The following BCAS3 variants were observed in gnomAD, a reference collection of about 807,000 sequenced individuals.
BCAS3 encodes the protein BCAS3 microtubule associated cell migration factor, also known as BCAS4/BCAS3 fusion.
Under a neutral mutation model 116.1 loss-of-function variants are expected in BCAS3, and 53 were observed. That is an observed-to-expected ratio of 0.46 (90% confidence interval 0.37 to 0.57). The LOEUF (loss-of-function observed/expected upper bound fraction) is 0.57. Among genes scored for constraint, BCAS3 ranks in the 20% least tolerant of loss-of-function variants. The pLI, the probability that BCAS3 is intolerant of heterozygous loss-of-function variation, is 0.00. For synonymous variants in BCAS3, 391 were observed against 408.2 expected, an observed-to-expected ratio of 0.96 and a Z score of 0.51; for missense variants, 917 against 1,165.4, an observed-to-expected ratio of 0.79 and a Z score of 3.10.
intron 14 of BCAS3, among the ~76,000 whole-genome samples, chr17:60,948,171 G>A (rs190710513): frequency 6.6e-6 from 1 of 151,836 alleles, no homozygotes; most frequent in East Asian, 1.9e-4. Flanking sequence ...GTGGCGCTGC[G>A]ATCTTTGGCT....
At chr17:60,747,365 TA>T in intron 6 of BCAS3, 86 bp downstream of exon 6, 1 of 1,113,892 alleles carries the variant, frequency 9.0e-7, no homozygotes. Context: ...GAATGATAAC[TA>T]AAGTCTGTTT....
intron 14 of BCAS3, among the ~76,000 whole-genome samples, chr17:60,947,745 G>A (rs1416397654): frequency 6.6e-6 from 1 of 152,036 alleles, no homozygotes; most frequent in Non-Finnish European, 1.5e-5. Context: ...ATATAAACAT[G>A]GACATATTCA....
intron 14 of BCAS3, among the ~76,000 whole-genome samples, chr17:60,975,090 C>T (rs1019017551): frequency 1.3e-5 from 2 of 151,174 alleles, no homozygotes; most frequent in Non-Finnish European, 2.9e-5. Context: ...CAAGCTCCGC[C>T]TCCCGGGTTC....
chr17:60,899,425 A>G (rs569640914), intron 10 of BCAS3, among the ~76,000 whole-genome samples: 46 of 152,186 alleles, frequency 3.0e-4, no homozygotes, highest in African/African-American at 1.1e-3. Context: ...GCTACAGCCA[A>G]TGCTTTACTC....
rs1191485521 is a variant in BCAS3, at chr17:61,348,458, C to T, written c.2426-19869C>T. Among the ~76,000 whole-genome samples, 1 of 151,936 alleles carries T rather than the reference C, an allele frequency of 6.6e-6. No homozygotes were observed. The highest frequency in any genetic ancestry group is 1.5e-5 in the Non-Finnish European group (1 of 68,022). On this transcript the variant is annotated intron_variant, in intron 22 of 23. Coordinates refer to ENST00000407086, the MANE Select transcript of BCAS3 (RefSeq NM_017679.5). This position sits in a 1 kb window ranked among gnomAD's most constrained non-coding sequence, Gnocchi z 4.5. ...ATAGGTAGTACTGGGTATTTGTAAG[C>T]GTTAGAGTAGCTGAACTCACCCAAG...
At chr17:61,172,429 C>G (rs1245169075) in intron 22 of BCAS3, among the ~76,000 whole-genome samples, 3 of 151,248 alleles carry the variant, frequency 2.0e-5, no homozygotes, top group Admixed American at 1.3e-4. Flanking sequence ...GTCCAGAGAT[C>G]GAGACCATCC....
At chr17:61,067,738 A>AT (rs1271397665) in intron 19 of BCAS3, among the ~76,000 whole-genome samples, 129 of 139,168 alleles carry the variant, frequency 9.3e-4, no homozygotes, top group East Asian at 3.0e-3. Context: ...AAAAAAAAAA[A>AT]AAATATATAT....
At chr17:60,781,853 C>T (rs911224142) in intron 6 of BCAS3, among the ~76,000 whole-genome samples, 1 of 152,078 alleles carries the variant, frequency 6.6e-6, no homozygotes, top group African/African-American at 2.4e-5. Flanking sequence ...GTGTGAATTT[C>T]ATTTTATTCT....
rs371178241 is a variant in BCAS3 at position 61,285,231 on chromosome 17, TTGTGTGTG to T, written c.2426-83076_2426-83069del. Among the ~76,000 whole-genome samples the T allele has an allele frequency of 7.1e-6, 1 of 140,090 alleles. No homozygotes were observed. The allele number at this position is 140,090 out of a possible 152,430, so 91.9% of individuals were successfully genotyped here. A position where few individuals can be genotyped will look rare whatever the true frequency, so the allele number is the denominator to read the frequency against. On this transcript the variant is annotated intron_variant, in intron 22 of 23. Coordinates refer to ENST00000407086, the MANE Select transcript of BCAS3 (RefSeq NM_017679.5). The surrounding 1 kb of genome is among the most constrained non-coding windows in gnomAD (Gnocchi z 5.4). ...GTTTTGCTTTTCCCCTCCTCCTAGG[TTGTGTGTG>T]TGTGTGTGTGTGTGTGTGTTTCTTG...
intron 14 of BCAS3, among the ~76,000 whole-genome samples, chr17:60,954,571 C>T (rs539109266): frequency 3.3e-5 from 5 of 152,140 alleles, no homozygotes; most frequent in Non-Finnish European, 7.4e-5. Flanking sequence ...TTTACCCATA[C>T]TAGTAGTTCC....
chr17:61,266,133 T>G (rs1424127443), intron 22 of BCAS3, among the ~76,000 whole-genome samples: 1 of 152,232 alleles, frequency 6.6e-6, no homozygotes, highest in Non-Finnish European at 1.5e-5. Flanking sequence ...TTTTGATCAT[T>G]AACGAGCAAC....
intron 5 of BCAS3, among the ~76,000 whole-genome samples, chr17:60,714,635 A>G (rs1443556508): frequency 6.6e-6 from 1 of 152,180 alleles, no homozygotes; most frequent in African/African-American, 2.4e-5. Context: ...CCTGGGTGAC[A>G]GAGTGAGACT....
chr17:60,754,413 C>T (rs757069721), intron 6 of BCAS3, among the ~76,000 whole-genome samples: 1 of 151,942 alleles, frequency 6.6e-6, no homozygotes, highest in African/African-American at 2.4e-5. Context: ...AGTGCAATGG[C>T]GTGGTCGGAG....
chr17:60,977,828 A>G (rs1190558270), intron 14 of BCAS3, among the ~76,000 whole-genome samples: 3 of 149,190 alleles, frequency 2.0e-5, no homozygotes, highest in Non-Finnish European at 2.9e-5. Context: ...AAAGGACATG[A>G]ACTCATCATT....
At chr17:60,951,851 C>G (rs1230717732) in intron 14 of BCAS3, among the ~76,000 whole-genome samples, 1 of 150,096 alleles carries the variant, frequency 6.7e-6, no homozygotes, top group Non-Finnish European at 1.5e-5. Flanking sequence ...CTCACTGCAG[C>G]CTCTGTCCTC....
intron 12 of BCAS3, among the ~76,000 whole-genome samples, chr17:60,920,870 AAAC>A (rs58062382): frequency 0.26 from 38,057 of 146,252 alleles, 5,488 homozygotes; most frequent in Middle Eastern, 0.41. Context: ...ACTCCATCGC[AAAC>A]AACAACAACA....
chr17:60,773,155 T>C (rs2044900081), intron 6 of BCAS3, among the ~76,000 whole-genome samples: 1 of 152,198 alleles, frequency 6.6e-6, no homozygotes, highest in Admixed American at 6.5e-5. Flanking sequence ...TTGACTATTC[T>C]AATAGCTGTG....
intron 11 of BCAS3, among the ~76,000 whole-genome samples, chr17:60,903,067 C>T (rs2058000396): frequency 6.6e-6 from 1 of 152,136 alleles, no homozygotes; most frequent in Admixed American, 6.5e-5. Flanking sequence ...CAAGGGGCTG[C>T]CCCTTCATGT....
chr17:60,990,361 G>A lies in BCAS3; in HGVS notation c.1486+126G>A. 2.0e-6 allele frequency: 2 copies of A among 996,448 alleles called. No individual in the cohort carries two copies. Among genetic ancestry groups the A allele is most frequent in the Non-Finnish European group, 2.8e-6 (2 of 704,222 alleles). The allele number at this position is 996,448 out of a possible 1,614,324, so 61.7% of individuals were successfully genotyped here. A position where few individuals can be genotyped will look rare whatever the true frequency, so the allele number is the denominator to read the frequency against. On this transcript the variant is annotated intron_variant, in intron 15 of 23. Transcript: ENST00000407086. The surrounding 1 kb of genome is among the most constrained non-coding windows in gnomAD (Gnocchi z 5.1). ...TAAAAAGAAGATCTTAGGCTTATATGAAATTCTTAATTATTAAATAATTTA... is the reference window on the plus strand; with the variant it reads ...TAAAAAGAAGATCTTAGGCTTATATAAAATTCTTAATTATTAAATAATTTA...
Sources: gnomAD v4.1 joint callset for allele counts (sites outside exome capture counted in the v4.1 genomes callset) on GRCh38, gnomAD v4.1.1 for gene constraint, Gnocchi (gnomAD v3.1) non-coding constraint, MANE v1.5 for transcripts, NCBI Gene and HGNC (gene_info 2026-07-23, HGNC 2026-07-21) for gene names.